The following CRPPA variants were observed in gnomAD, a reference collection of about 807,000 sequenced individuals.
The protein encoded by CRPPA is CDP-L-ribitol pyrophosphorylase A.
A neutral mutation model predicts 52.0 loss-of-function variants in CRPPA; 43 were observed. The ratio of observed to expected loss-of-function variants is 0.83; its 90% confidence interval spans 0.65 to 1.07. The LOEUF (loss-of-function observed/expected upper bound fraction) is 1.07. Ranked by LOEUF, CRPPA falls within the 50% of genes least tolerant of loss-of-function variation. The probability of loss-of-function intolerance (pLI) is 0.00; values close to 1 mark genes in which losing one functional copy is unlikely to be tolerated. For missense variants in CRPPA, 629 were observed against 551.7 expected (o/e 1.14, Z -1.40); for synonymous variants, 250 against 203.5 (o/e 1.23, Z -1.94).
At chr7:16,092,710 A>G (rs1405559309) in intron 9 of CRPPA, among the ~76,000 whole-genome samples, 4 of 152,202 alleles carry the variant, frequency 2.6e-5, no homozygotes, top group Admixed American at 6.5e-5. Flanking sequence ...TAAAATATAG[A>G]TCTGATCACA....
chr7:16,261,211 A>G (rs929410657), intron 6 of CRPPA, among the ~76,000 whole-genome samples: 3 of 152,128 alleles, frequency 2.0e-5, no homozygotes, highest in African/African-American at 4.8e-5. Flanking sequence ...TAGTAAAACC[A>G]AAAGTGTTGC....
chr7:16,311,742 A>C (rs1332446748), intron 3 of CRPPA, among the ~76,000 whole-genome samples: 1 of 152,090 alleles, frequency 6.6e-6, no homozygotes, highest in Non-Finnish European at 1.5e-5. Context: ...TTGCATTTGC[A>C]TTTTAAGTTT....
intron 9 of CRPPA, among the ~76,000 whole-genome samples, chr7:16,119,981 C>T (rs1782450372): frequency 1.3e-5 from 2 of 152,176 alleles, no homozygotes; most frequent in Admixed American, 1.3e-4. Flanking sequence ...GAATCTTCAG[C>T]ATTTAGGAAT....
chr7:16,166,705 A>G (rs1414736634), intron 9 of CRPPA, among the ~76,000 whole-genome samples: 1 of 152,142 alleles, frequency 6.6e-6, no homozygotes, highest in Non-Finnish European at 1.5e-5. Flanking sequence ...TACTGTGCCA[A>G]GTGTAAATTC....
chr7:16,151,809 G>T (rs570018803), intron 9 of CRPPA, among the ~76,000 whole-genome samples: 2 of 151,648 alleles, frequency 1.3e-5, no homozygotes, highest in African/African-American at 4.8e-5. Flanking sequence ...CATTTTCAAC[G>T]TAATTTTTCT....
At chr7:16,320,487 T>C (rs1362497755) in intron 3 of CRPPA, among the ~76,000 whole-genome samples, 1 of 152,168 alleles carries the variant, frequency 6.6e-6, no homozygotes, top group Non-Finnish European at 1.5e-5. Context: ...AACCACATAA[T>C]GGTCCACGGC....
intron 9 of CRPPA, among the ~76,000 whole-genome samples, chr7:16,211,867 G>A (rs928354297): frequency 6.6e-6 from 1 of 152,108 alleles, no homozygotes; most frequent in African/African-American, 2.4e-5. Context: ...AACCTTCAAA[G>A]CCCAGACAAT....
In CRPPA at chr7:16,091,677, G is replaced by A. The variant is rs368961207; in HGVS notation, c.*18C>T. 2 of 1,377,350 alleles carry A rather than the reference G, an allele frequency of 1.5e-6. No individual in the cohort carries two copies. Among genetic ancestry groups the A allele is most frequent in the Non-Finnish European group, 2.0e-6 (2 of 993,038 alleles). 85.3% of individuals were successfully genotyped at this position (1,377,350 alleles called of 1,614,324 possible). ...ACGCAAATAGATGTTTTAGAAAATA[G>A]GTAATTTTTTGTGTTCTTCATGCTA... is the stretch of plus-strand genomic sequence containing the variant. On this transcript the variant is annotated 3_prime_UTR_variant, in exon 10 of 10. Coordinates refer to ENST00000407010, the MANE Select transcript of CRPPA (RefSeq NM_001101426.4).
intron 3 of CRPPA, among the ~76,000 whole-genome samples, chr7:16,351,816 G>C (rs1390391146): frequency 6.6e-6 from 1 of 152,172 alleles, no homozygotes; most frequent in Non-Finnish European, 1.5e-5. Context: ...TTGTTGGAGG[G>C]TGTGTAAATT....
intron 3 of CRPPA, among the ~76,000 whole-genome samples, chr7:16,368,491 T>G (rs1239062959): frequency 6.6e-6 from 1 of 152,216 alleles, no homozygotes; most frequent in African/African-American, 2.4e-5. Flanking sequence ...AGATTTTGAC[T>G]TTTAAATTAT....
intron 9 of CRPPA, among the ~76,000 whole-genome samples, chr7:16,168,186 C>A (rs977286717): frequency 6.6e-6 from 1 of 152,078 alleles, no homozygotes; most frequent in African/African-American, 2.4e-5. Flanking sequence ...AAACATGGGT[C>A]AATATTTCCT....
At chr7:16,183,367 C>T (rs1347304856) in intron 9 of CRPPA, among the ~76,000 whole-genome samples, 1 of 152,126 alleles carries the variant, frequency 6.6e-6, no homozygotes, top group Non-Finnish European at 1.5e-5. Context: ...TCCCCCATGG[C>T]CATACTGAGA....
intron 2 of CRPPA, among the ~76,000 whole-genome samples, chr7:16,392,997 A>G (rs1787482643): frequency 1.3e-5 from 2 of 152,140 alleles, no homozygotes; most frequent in Non-Finnish European, 2.9e-5. Flanking sequence ...ATCTTGTTTT[A>G]AGGATTTTAA....
chr7:16,366,624 G>C (rs989633497), intron 3 of CRPPA, among the ~76,000 whole-genome samples: 3 of 151,900 alleles, frequency 2.0e-5, no homozygotes, highest in African/African-American at 7.3e-5. Context: ...AAATTTCTGG[G>C]GATAGCAAAG....
intron 9 of CRPPA, among the ~76,000 whole-genome samples, chr7:16,201,988 T>C (rs1251506752): frequency 6.6e-6 from 1 of 152,188 alleles, no homozygotes; most frequent in Admixed American, 6.5e-5. Context: ...ACATTAAGTT[T>C]GATGTTAGAT....
intron 2 of CRPPA, among the ~76,000 whole-genome samples, chr7:16,398,285 C>T (rs1003059910): frequency 5.3e-5 from 8 of 151,772 alleles, no homozygotes; most frequent in African/African-American, 1.7e-4. Flanking sequence ...ATTGACAAGA[C>T]AAACACGTGA....
In CRPPA at chr7:16,421,278, ACCCGGCTCCGCCGGCCTGGCGCTG is replaced by A. The variant is rs1446694375; in HGVS notation, c.21_44del (p.Ser8_Gly15del). 8.3e-5 allele frequency: 106 copies of A among 1,280,274 alleles called. No homozygotes were observed. The East Asian group carries it at 3.2e-3, about 38-fold the overall frequency. 79.3% of individuals were successfully genotyped at this position (1,280,274 alleles called of 1,614,324 possible). On this transcript the variant is annotated inframe_deletion, in exon 1 of 10. Coordinates refer to ENST00000407010, the MANE Select transcript of CRPPA (RefSeq NM_001101426.4). Reference sequence around the variant, plus strand: ...CGCCGCGCTGACCACTCAGGCAAGGACCCGGCTCCGCCGGCCTGGCGCTGCCCGGCGGCCCGGCCTCCATGGCTG... The same window carrying A: ...CGCCGCGCTGACCACTCAGGCAAGGACCCGGCGGCCCGGCCTCCATGGCTG...
At chr7:16,334,306 G>C (rs925480628) in intron 3 of CRPPA, among the ~76,000 whole-genome samples, 2 of 152,148 alleles carry the variant, frequency 1.3e-5, no homozygotes, top group Admixed American at 1.3e-4. Context: ...CCTAGTAATA[G>C]AGAAGTAATC....
At chr7:16,163,414 C>A (rs1215865119) in intron 9 of CRPPA, among the ~76,000 whole-genome samples, 1 of 151,936 alleles carries the variant, frequency 6.6e-6, no homozygotes, top group African/African-American at 2.4e-5. Flanking sequence ...TGTGTCTTTG[C>A]ACATGAGATG....
Sources: gnomAD v4.1 joint callset for allele counts (sites outside exome capture counted in the v4.1 genomes callset) on GRCh38, gnomAD v4.1.1 for gene constraint, MANE v1.5 for transcripts, NCBI Gene and HGNC (gene_info 2026-07-23, HGNC 2026-07-21) for gene names.